SLC10A5: variants seen among roughly 807,000 people sequenced by gnomAD.
SLC10A5 encodes the protein solute carrier family 10 member 5.
For synonymous variants in SLC10A5, 181 were observed against 183.7 expected (o/e 0.99, Z 0.12); for missense variants, 475 against 500.7 (o/e 0.95, Z 0.49).
Position 81,694,302 on chromosome 8 carries a change from A to C in SLC10A5, c.671T>G (p.Phe224Cys). ...TCPGGGGGYL[F>C]ALLLDGDFTL... The stretch of plus-strand genomic sequence containing the variant: ...GAAATCTCCATCTAGAAGCAGAGCA[A>C]AGAGATAGCCCCCACCCCCTCCTGG... The change falls in exon 1 of 1, where the codon TTT becomes TGT. Residue 224 changes from phenylalanine to cysteine, a missense_variant. Transcript: ENST00000518568. 6.2e-7 allele frequency: 1 copy of C among 1,614,162 alleles called. No homozygotes were observed. Among genetic ancestry groups the C allele is most frequent in the East Asian group, 2.2e-5 (1 of 44,884 alleles).
chr8:81,693,692 G>GA lies in SLC10A5; in HGVS notation c.1280dup (p.Gln429ThrfsTer3), dbSNP rs1265233974. On this transcript the variant is annotated frameshift_variant, in exon 1 of 1. Transcript: ENST00000518568. LOFTEE classifies it low-confidence loss of function (END_TRUNC). ...AATTTCTTTTCCTTTTATCTTGTAAGAAAAAGATACATCTTTTCTTAGCCT... is the reference window on the plus strand; with the variant it reads ...AATTTCTTTTCCTTTTATCTTGTAAGAAAAAAGATACATCTTTTCTTAGCCT... The GA allele has an allele frequency of 1.9e-6, 3 of 1,592,640 alleles. No individual in the cohort carries two copies. Among genetic ancestry groups the GA allele is most frequent in the Non-Finnish European group, 2.6e-6 (3 of 1,173,754 alleles).
rs1203071287 is a variant in SLC10A5, at chr8:81,693,972, A to G, written c.1001T>C (p.Leu334Pro). 2 of 1,613,820 alleles carry G rather than the reference A, an allele frequency of 1.2e-6. No individual in the cohort carries two copies. The highest frequency in any genetic ancestry group is 1.7e-6 in the Non-Finnish European group (2 of 1,180,032). ...TAAGAGACCCAACAGAATCACCTCT[A>G]GATTATCTGTTTTTAAGAACACTAA... ...VGLVFLKTDN[L>P]EVILLGLLVP... Residue 334 changes from leucine (L) to proline (P), a missense_variant, in exon 1 of 1, where the codon CTA (leucine) becomes CCA (proline). By Grantham distance (98) the Leu-to-Pro change is moderately conservative. Coordinates refer to ENST00000518568, the MANE Select transcript of SLC10A5 (RefSeq NM_001010893.3).
Position 81,694,119 on chromosome 8 carries a change from A to G in SLC10A5, c.854T>C (p.Val285Ala). The change falls in exon 1 of 1, where the codon GTA becomes GCA. Residue 285 changes from valine (V) to alanine (A), a missense_variant. By Grantham distance (64) the Val-to-Ala change is moderately conservative. Transcript: ENST00000518568. ...VSTLLFILVP[V>A]SIGIVIKHRI... ...ATGCTTGATGACTATTCCAATTGAT[A>G]CTGGCACAAGTATGAAAAGGAGTGT... is the stretch of plus-strand genomic sequence containing the variant. The G allele has an allele frequency of 6.2e-7, 1 of 1,614,150 alleles. No homozygotes were observed. Among genetic ancestry groups the G allele is most frequent in the South Asian group, 1.1e-5 (1 of 91,088 alleles).
chr8:81,694,919 T>G lies in SLC10A5; in HGVS notation c.54A>C (p.Glu18Asp). ...VLLLLLVTIEEARMSSLSFLN... is the reference protein window; with the variant it reads ...VLLLLLVTIEDARMSSLSFLN... ...GAAAACTGAGCGATGACATCCTTGC[T>G]TCTTCTATAGTCACAAGCAACAAAA... The change falls in exon 1 of 1, where the codon GAA becomes GAC. Residue 18 changes from glutamate to aspartate, a missense_variant. By Grantham distance (45) the Glu-to-Asp change is conservative. Coordinates refer to ENST00000518568, the MANE Select transcript of SLC10A5 (RefSeq NM_001010893.3). The G allele has an allele frequency of 6.3e-7, 1 of 1,598,482 alleles. No homozygotes were observed. The highest frequency in any genetic ancestry group is 8.5e-7 in the Non-Finnish European group (1 of 1,176,496).
In SLC10A5 at chr8:81,694,611, A is replaced by C. The variant is rs369618305; in HGVS notation, c.362T>G (p.Val121Gly). ...QERLIEEIKN[V>G]KVKVLKQKDS... ...TTTTTGTTTGAGCACTTTGACTTTC[A>C]CATTCTTGATTTCTTCAATGAGTCT... Residue 121 changes from valine to glycine, a missense_variant, in exon 1 of 1, where the codon GTG becomes GGG. Coordinates refer to ENST00000518568, the MANE Select transcript of SLC10A5 (RefSeq NM_001010893.3). The C allele has an allele frequency of 7.4e-6, 12 of 1,613,974 alleles. No homozygotes were observed. The highest frequency in any genetic ancestry group is 5.1e-6 in the Non-Finnish European group (6 of 1,180,036).
chr8:81,695,041 G>T lies in SLC10A5; in HGVS notation c.-69C>A. 1 of 1,225,338 alleles carries T rather than the reference G, an allele frequency of 8.2e-7. No individual in the cohort carries two copies. The highest frequency in any genetic ancestry group is 1.1e-6 in the Non-Finnish European group (1 of 901,092). 75.9% of individuals were successfully genotyped at this position (1,225,338 alleles called of 1,614,324 possible). A position where few individuals can be genotyped will look rare whatever the true frequency, so the allele number is the denominator to read the frequency against. On this transcript the variant is annotated 5_prime_UTR_variant, in exon 1 of 1. Coordinates refer to ENST00000518568, the MANE Select transcript of SLC10A5 (RefSeq NM_001010893.3). ...AAATGAAAGAACATTCTTCATGCAG[G>T]TGTTCCAGTGACAGTCTGAGGGTGA...
In SLC10A5 at chr8:81,694,856, C is replaced by G. The variant is rs1563597833; in HGVS notation, c.117G>C (p.Lys39Asn). ...AACTTACAAGGATGGTTTCTTCAGTCTTTGTGAAAAATAGTATTTCAGTCT... is the reference window on the plus strand; with the variant it reads ...AACTTACAAGGATGGTTTCTTCAGTGTTTGTGAAAAATAGTATTTCAGTCT... ...IEKTEILFFT[K>N]TEETILVSSS... is the part of the protein sequence containing the mutation. Residue 39 changes from lysine (K) to asparagine (N), a missense_variant, in exon 1 of 1, where the codon AAG (lysine) becomes AAC (asparagine). Lys to Asn is a moderately conservative substitution (Grantham distance 94). Transcript: ENST00000518568. The G allele has an allele frequency of 6.2e-7, 1 of 1,613,694 alleles. No homozygotes were observed. The highest frequency in any genetic ancestry group is 8.5e-7 in the Non-Finnish European group (1 of 1,179,926).
Position 81,694,760 on chromosome 8 carries a change from T to A in SLC10A5, c.213A>T (p.Gln71His). The change falls in exon 1 of 1, where the codon CAA becomes CAT. Residue 71 changes from glutamine to histidine, a missense_variant. Coordinates refer to ENST00000518568, the MANE Select transcript of SLC10A5 (RefSeq NM_001010893.3). ...AGATCTTCTTGGCCACATTCACCAT[T>A]TGTAGTATTTTAGGATCTTCTATTT... ...FVKIEDPKILQMVNVAKKISS... is the reference protein window; with the variant it reads ...FVKIEDPKILHMVNVAKKISS... 2 of 1,614,040 alleles carry A rather than the reference T, an allele frequency of 1.2e-6. No individual in the cohort carries two copies.
rs771459899 is a variant in SLC10A5 at position 81,693,685 on chromosome 8, C to T, written c.1288G>A (p.Asp430Asn). The change falls in exon 1 of 1, where the codon GAT (aspartate) becomes AAT (asparagine). Residue 430 changes from aspartate (D) to asparagine (N), a missense_variant. Physicochemically the swap from Asp to Asn is conservative, Grantham distance 23. Transcript: ENST00000518568. ...ATTAGGAAATTTCTTTTCCTTTTAT[C>T]TTGTAAGAAAAAGATACATCTTTTC... ...AKKRCIFFLQ[D>N]KRKRNFLI The T allele has an allele frequency of 6.3e-7, 1 of 1,591,740 alleles. No individual in the cohort carries two copies. The highest frequency in any genetic ancestry group is 1.2e-5 in the South Asian group (1 of 86,774).
chr8:81,693,985 T>G lies in SLC10A5; in HGVS notation c.988A>C (p.Lys330Gln). The change falls in exon 1 of 1, where the codon AAA becomes CAA. Residue 330 changes from lysine to glutamine, a missense_variant. Physicochemically the swap from Lys to Gln is moderately conservative, Grantham distance 53. Transcript: ENST00000518568. ...AGAATCACCTCTAGATTATCTGTTT[T>G]TAAGAACACTAATCCCACTGTGAAA... Reference protein sequence around the residue: ...LTFTVGLVFLKTDNLEVILLG... With the variant: ...LTFTVGLVFLQTDNLEVILLG... 1 of 1,613,886 alleles carries G rather than the reference T, an allele frequency of 6.2e-7. No individual in the cohort carries two copies. Among genetic ancestry groups the G allele is most frequent in the Non-Finnish European group, 8.5e-7 (1 of 1,180,026 alleles).
chr8:81,694,996 T>A lies in SLC10A5; in HGVS notation c.-24A>T. ...ATTTTGAAAGCTGAAATAAATCATA[T>A]ATGCAAAATCGTTTTTAAAAAATGA... On this transcript the variant is annotated 5_prime_UTR_variant, in exon 1 of 1. Coordinates refer to ENST00000518568, the MANE Select transcript of SLC10A5 (RefSeq NM_001010893.3). 6.7e-7 allele frequency: 1 copy of A among 1,502,736 alleles called. No homozygotes were observed. Among genetic ancestry groups the A allele is most frequent in the African/African-American group, 1.4e-5 (1 of 71,384 alleles). 93.1% of individuals were successfully genotyped at this position (1,502,736 alleles called of 1,614,324 possible).
chr8:81,693,802 A>G lies in SLC10A5; in HGVS notation c.1171T>C (p.Ser391Pro). 3 of 1,614,108 alleles carry G rather than the reference A, an allele frequency of 1.9e-6. No homozygotes were observed. The highest frequency in any genetic ancestry group is 1.3e-5 in the African/African-American group (1 of 75,040). Residue 391 changes from serine (S) to proline (P), a missense_variant, in exon 1 of 1, where the codon TCC (serine) becomes CCC (proline). Ser to Pro is a moderately conservative substitution (Grantham distance 74). Transcript: ENST00000518568. Reference sequence around the variant, plus strand: ...GCCACAGAAGCTAAATTGGCCTTGGACTGTGGAAAAGACAGCTGAATAACG... The same window carrying G: ...GCCACAGAAGCTAAATTGGCCTTGGGCTGTGGAAAAGACAGCTGAATAACG... ...LAVIQLSFPQ[S>P]KANLASVAPF... is the part of the protein sequence containing the mutation.
chr8:81,693,652 A>G lies in SLC10A5; in HGVS notation c.*4T>C. 4 of 1,573,278 alleles carry G rather than the reference A, an allele frequency of 2.5e-6. No individual in the cohort carries two copies. Among genetic ancestry groups the G allele is most frequent in the Non-Finnish European group, 3.4e-6 (4 of 1,161,698 alleles). On this transcript the variant is annotated 3_prime_UTR_variant, in exon 1 of 1. Transcript: ENST00000518568. ...AGAGTAGGAATTCAGTAATGCTTTA[A>G]TTGTTAGATTAGGAAATTTCTTTTC...
At position 81,694,833 on chromosome 8, in the gene SLC10A5, C is replaced by G. The variant is rs78323957; in HGVS notation, c.140G>C (p.Ser47Thr). Reference sequence around the variant, plus strand: ...AGGCCGTTTATTTTCGTAGCTTGAACTTACAAGGATGGTTTCTTCAGTCTT... The same window carrying G: ...AGGCCGTTTATTTTCGTAGCTTGAAGTTACAAGGATGGTTTCTTCAGTCTT... Reference protein sequence around the residue: ...FTKTEETILVSSSYENKRPNS... With the variant: ...FTKTEETILVTSSYENKRPNS... Residue 47 changes from serine (S) to threonine (T), a missense_variant, in exon 1 of 1, where the codon AGT becomes ACT. Transcript: ENST00000518568. The G allele has an allele frequency of 0.034, 54,075 of 1,613,808 alleles. 1,178 individuals carry two copies. The highest frequency in any genetic ancestry group is 0.083 in the East Asian group (3,739 of 44,848).
Position 81,694,420 on chromosome 8 carries a change from A to G in SLC10A5, c.553T>C (p.Phe185Leu). 6.2e-7 allele frequency: 1 copy of G among 1,614,134 alleles called. No individual in the cohort carries two copies. Among genetic ancestry groups the G allele is most frequent in the Non-Finnish European group, 8.5e-7 (1 of 1,180,032 alleles). Residue 185 changes from phenylalanine to leucine, a missense_variant, in exon 1 of 1, where the codon TTT becomes CTT. Physicochemically the swap from Phe to Leu is conservative, Grantham distance 22 (BLOSUM62 0). Coordinates refer to ENST00000518568, the MANE Select transcript of SLC10A5 (RefSeq NM_001010893.3). ...LPVILGAVTQ[F>L]FLMPFCGFLL... ...AACCCGCAAAATGGCATCAGAAAAA[A>G]CTGTGTAACTGCCCCAAGAATTACT...
Position 81,694,405 on chromosome 8 carries a change from A to G in SLC10A5, c.568T>C (p.Phe190Leu), listed in dbSNP as rs768313847. The part of the protein sequence containing the change: ...GAVTQFFLMP[F>L]CGFLLSQIVA... ...ATCTGAGACAAAAGAAACCCGCAAA[A>G]TGGCATCAGAAAAAACTGTGTAACT... Residue 190 changes from phenylalanine (F) to leucine (L), a missense_variant, in exon 1 of 1, where the codon TTT (phenylalanine) becomes CTT (leucine). Phe to Leu is a conservative substitution (Grantham distance 22). Coordinates refer to ENST00000518568, the MANE Select transcript of SLC10A5 (RefSeq NM_001010893.3). The G allele has an allele frequency of 1.2e-6, 2 of 1,614,146 alleles. No individual in the cohort carries two copies. Among genetic ancestry groups the G allele is most frequent in the Admixed American group, 3.3e-5 (2 of 60,014 alleles).
chr8:81,694,937 C>A lies in SLC10A5; in HGVS notation c.36G>T (p.Leu12Phe). The A allele has an allele frequency of 6.4e-7, 1 of 1,574,032 alleles. No individual in the cohort carries two copies. The highest frequency in any genetic ancestry group is 8.6e-7 in the Non-Finnish European group (1 of 1,167,532). Residue 12 changes from leucine to phenylalanine, a missense_variant, in exon 1 of 1, where the codon TTG becomes TTT. Transcript: ENST00000518568. ...IRKLFIVLLL[L>F]LVTIEEARMS... is the part of the protein sequence containing the mutation. Reference sequence around the variant, plus strand: ...TCCTTGCTTCTTCTATAGTCACAAGCAACAAAAGTAGAACAATAAAAAGTT... The same window carrying A: ...TCCTTGCTTCTTCTATAGTCACAAGAAACAAAAGTAGAACAATAAAAAGTT...
rs766137148 is a variant in SLC10A5 at position 81,693,948 on chromosome 8, A to G, written c.1025T>C (p.Leu342Ser). 11 of 1,614,072 alleles carry G rather than the reference A, an allele frequency of 6.8e-6. No individual in the cohort carries two copies. Among genetic ancestry groups the G allele is most frequent in the South Asian group, 1.1e-5 (1 of 91,086 alleles). The part of the protein sequence containing the change: ...DNLEVILLGL[L>S]VPALGLLFGY... ...AAACAGCAAACCCAAAGCAGGAACT[A>G]AGAGACCCAACAGAATCACCTCTAG... The change falls in exon 1 of 1, where the codon TTA becomes TCA. Residue 342 changes from leucine (L) to serine (S), a missense_variant. Physicochemically the swap from Leu to Ser is moderately radical, Grantham distance 145. Coordinates refer to ENST00000518568, the MANE Select transcript of SLC10A5 (RefSeq NM_001010893.3).
In SLC10A5 at chr8:81,694,168, T is replaced by C. The variant is rs371633588; in HGVS notation, c.805A>G (p.Ile269Val). ...GTTGACACAATTTTAGAAACAGGAATATGGAATGTACCTGACAACCCTAAT... is the reference window on the plus strand; with the variant it reads ...GTTGACACAATTTTAGAAACAGGAACATGGAATGTACCTGACAACCCTAAT... ...RILGLSGTFH[I>V]PVSKIVSTLL... Residue 269 changes from isoleucine to valine, a missense_variant, in exon 1 of 1, where the codon ATT (isoleucine) becomes GTT (valine). Physicochemically the swap from Ile to Val is conservative, Grantham distance 29. Coordinates refer to ENST00000518568, the MANE Select transcript of SLC10A5 (RefSeq NM_001010893.3). 21 of 1,614,008 alleles carry C rather than the reference T, an allele frequency of 1.3e-5. No individual in the cohort carries two copies. In the African/African-American group the frequency reaches 2.7e-4, roughly 21 times the overall value.
Sources: gnomAD v4.1 joint callset for allele counts on GRCh38, gnomAD v4.1.1 for gene constraint, MANE v1.5 for transcripts, NCBI Gene and HGNC (gene_info 2026-07-23, HGNC 2026-07-21) for gene names.